The following INPP4B variants were observed in gnomAD, a reference collection of about 807,000 sequenced individuals.
INPP4B encodes the protein inositol polyphosphate 4-phosphatase type II.
A neutral mutation model predicts 122.5 loss-of-function variants in INPP4B; 55 were observed. That is an observed-to-expected ratio of 0.45 (90% confidence interval 0.36 to 0.56). INPP4B has a LOEUF of 0.56. Ranked by LOEUF, INPP4B falls within the 20% of genes least tolerant of loss-of-function variation. The pLI is 0.00. For synonymous variants in INPP4B, 403 were observed against 388.7 expected, an observed-to-expected ratio of 1.04 and a Z score of -0.43; for missense variants, 1,000 against 1,097.7, an observed-to-expected ratio of 0.91 and a Z score of 1.26.
intron 17 of INPP4B, among the ~76,000 whole-genome samples, chr4:142,153,773 G>A (rs1815680967): frequency 6.6e-6 from 1 of 152,160 alleles, no homozygotes; most frequent in Non-Finnish European, 1.5e-5. Context: ...TATAAGATGT[G>A]TTAGGTGTTA....
intron 15 of INPP4B, among the ~76,000 whole-genome samples, chr4:142,185,607 C>T (rs1301031546): frequency 6.6e-6 from 1 of 151,692 alleles, no homozygotes; most frequent in Non-Finnish European, 1.5e-5. Flanking sequence ...TGGCCGGGCG[C>T]GGTGGCTCAT....
intron 2 of INPP4B, among the ~76,000 whole-genome samples, chr4:142,695,888 C>A (rs1315832827): frequency 1.3e-5 from 2 of 152,110 alleles, no homozygotes; most frequent in East Asian, 3.9e-4. Context: ...AAATTCCCCT[C>A]AACCCCTATA....
chr4:142,726,969 CTATTAT>C (rs1765418125), intron 1 of INPP4B, among the ~76,000 whole-genome samples: 1 of 152,036 alleles, frequency 6.6e-6, no homozygotes, highest in African/African-American at 2.4e-5. Context: ...ATTATTATTC[CTATTAT>C]TATCACTGTT....
intron 25 of INPP4B, among the ~76,000 whole-genome samples, chr4:142,070,786 T>C (rs748349893): frequency 1.3e-5 from 2 of 152,094 alleles, no homozygotes; most frequent in Non-Finnish European, 2.9e-5. Context: ...ACAAGGGATG[T>C]GAAGGACCTT....
At chr4:142,346,820 G>C (rs1418641159) in intron 7 of INPP4B, among the ~76,000 whole-genome samples, 1 of 152,010 alleles carries the variant, frequency 6.6e-6, no homozygotes, top group Non-Finnish European at 1.5e-5. Context: ...TAGAATAAAA[G>C]TGTTGAATAA....
intron 1 of INPP4B, among the ~76,000 whole-genome samples, chr4:142,804,136 A>G (rs1311795835): frequency 2.0e-5 from 3 of 152,072 alleles, no homozygotes; most frequent in Non-Finnish European, 4.4e-5. Flanking sequence ...TACTTCAAAA[A>G]GAATAGCTCA....
At chr4:142,148,229 TTGTG>T (rs1003860203) in intron 17 of INPP4B, among the ~76,000 whole-genome samples, 3 of 152,166 alleles carry the variant, frequency 2.0e-5, no homozygotes, top group East Asian at 1.9e-4. Context: ...TGAAAGGAAC[TTGTG>T]TGTGTGTTTG....
chr4:142,304,166 C>T (rs1666915364), intron 9 of INPP4B, among the ~76,000 whole-genome samples: 4 of 152,016 alleles, frequency 2.6e-5, no homozygotes, highest in Non-Finnish European at 5.9e-5. Flanking sequence ...AATCCAGGGG[C>T]ATATGGGTCA....
At chr4:142,463,417 T>C (rs1005311813) in intron 2 of INPP4B, among the ~76,000 whole-genome samples, 18 of 152,196 alleles carry the variant, frequency 1.2e-4, no homozygotes, top group African/African-American at 4.1e-4. Flanking sequence ...ATCATTTTGC[T>C]GGCAGCTTTA....
chr4:142,109,038 T>C (rs911962710), intron 22 of INPP4B, among the ~76,000 whole-genome samples: 3 of 152,166 alleles, frequency 2.0e-5, no homozygotes, highest in African/African-American at 7.2e-5. Flanking sequence ...CCCAATATTT[T>C]GGCATTAATT....
chr4:142,277,150 G>A (rs898869419), intron 9 of INPP4B, among the ~76,000 whole-genome samples: 23 of 147,926 alleles, frequency 1.6e-4, no homozygotes, highest in Middle Eastern at 3.6e-3. Context: ...GTCTATTCAT[G>A]TCCTTAGCCC....
chr4:142,091,929 C>T (rs1218792353), intron 23 of INPP4B, among the ~76,000 whole-genome samples: 46 of 152,160 alleles, frequency 3.0e-4, no homozygotes, highest in Non-Finnish European at 2.9e-5. Context: ...CCCTAATCTA[C>T]TCACTTCCCA....
At chr4:142,298,999 C>T (rs1201800849) in intron 9 of INPP4B, among the ~76,000 whole-genome samples, 1 of 152,032 alleles carries the variant, frequency 6.6e-6, no homozygotes, top group Admixed American at 6.6e-5. Flanking sequence ...TTTATGAGGT[C>T]CAAGTCAGTG....
In INPP4B at chr4:142,123,321, A is replaced by G; in HGVS notation, c.1988T>C (p.Val663Ala). ...TGTACTTAGCAGTCCTTCATATTGTACTATCAACCCCACTGTGTGAAGCTG... is the reference window on the plus strand; with the variant it reads ...TGTACTTAGCAGTCCTTCATATTGTGCTATCAACCCCACTGTGTGAAGCTG... The part of the protein sequence containing the change: ...LQQLHTVGLI[V>A]QYEGLLSTYS... The change falls in exon 20 of 26, where the codon GTA becomes GCA. Residue 663 changes from valine (V) to alanine (A), a missense_variant. Physicochemically the swap from Val to Ala is moderately conservative, Grantham distance 64. Transcript: ENST00000262992. 1 of 1,612,810 alleles carries G rather than the reference A, an allele frequency of 6.2e-7. No homozygotes were observed. The highest frequency in any genetic ancestry group is 1.3e-5 in the African/African-American group (1 of 74,972).
chr4:142,756,503 C>T (rs1302945586), intron 1 of INPP4B, among the ~76,000 whole-genome samples: 2 of 152,002 alleles, frequency 1.3e-5, no homozygotes, highest in African/African-American at 4.8e-5. Flanking sequence ...AGATGCCTAA[C>T]TTTACTGATA....
chr4:142,839,255 C>T (rs1488651282), intron 1 of INPP4B, among the ~76,000 whole-genome samples: 1 of 152,064 alleles, frequency 6.6e-6, no homozygotes, highest in Non-Finnish European at 1.5e-5. Flanking sequence ...GTCAGGAGTT[C>T]GAGACCAGCC....
chr4:142,516,463 ATCT>A (rs1212761864), intron 2 of INPP4B, among the ~76,000 whole-genome samples: 3 of 152,138 alleles, frequency 2.0e-5, no homozygotes, highest in African/African-American at 7.2e-5. Context: ...CCCCATAATC[ATCT>A]TCTTTCACAG....
At chr4:142,840,665 A>C (rs907825870) in intron 1 of INPP4B, among the ~76,000 whole-genome samples, 3 of 152,128 alleles carry the variant, frequency 2.0e-5, no homozygotes, top group African/African-American at 4.8e-5. Flanking sequence ...AAAAGTTTTA[A>C]AAAATGAATA....
intron 7 of INPP4B, among the ~76,000 whole-genome samples, chr4:142,367,188 A>G (rs1565308): frequency 0.14 from 18,030 of 133,070 alleles, 1,539 homozygotes; most frequent in East Asian, 0.23. Context: ...TACATGTAAT[A>G]TGTGTGTGTG....
Sources: allele counts gnomAD v4.1 joint callset (sites outside exome capture counted in the v4.1 genomes callset), GRCh38; gene constraint gnomAD v4.1.1; transcripts MANE v1.5; gene names NCBI Gene and HGNC (gene_info 2026-07-23, HGNC 2026-07-21).